CDIN1: variants seen among roughly 807,000 people sequenced by gnomAD.
CDIN1 encodes CDAN1 interacting nuclease 1, also known as CDAN1-interacting nuclease 1.
A neutral mutation model predicts 45.3 loss-of-function variants in CDIN1; 33 were observed. That is an observed-to-expected ratio of 0.73 (90% CI 0.55 to 0.97). CDIN1 has a LOEUF of 0.97. Ranked by LOEUF, CDIN1 falls within the 50% of genes least tolerant of loss-of-function variation. The probability of loss-of-function intolerance (pLI) is 0.00; values close to 1 mark genes in which losing one functional copy is unlikely to be tolerated. For missense variants in CDIN1, 303 were observed against 339.4 expected, an observed-to-expected ratio of 0.89 and a Z score of 0.84; for synonymous variants, 118 against 124.4, an observed-to-expected ratio of 0.95 and a Z score of 0.34.
intron 3 of CDIN1, among the ~76,000 whole-genome samples, chr15:36,646,169 T>G (rs1221126796): frequency 6.6e-6 from 1 of 152,228 alleles, no homozygotes; most frequent in Non-Finnish European, 1.5e-5. Context: ...GTGGTGAGAA[T>G]GACACCACTG....
chr15:36,709,700 A>C (rs2042987526), intron 9 of CDIN1, 156 bp from the exon 10 acceptor site: 4 of 574,506 alleles, frequency 7.0e-6, no homozygotes, highest in Admixed American at 3.1e-5. Flanking sequence ...TTTGTAATGA[A>C]CATATACAGT....
chr15:36,774,163 T>TGTGTGTGTGTGCGCGCGC lies in CDIN1; in HGVS notation c.717-34160_717-34159insTGTGTGTGTGCGCGCGCG, dbSNP rs149222188. Among the ~76,000 whole-genome samples the TGTGTGTGTGTGCGCGCGC allele has an allele frequency of 1.8e-3, 259 of 143,140 alleles. 2 individuals carry two copies. The highest frequency in any genetic ancestry group is 6.0e-3 in the African/African-American group (228 of 37,728). 93.9% of individuals were successfully genotyped at this position (143,140 alleles called of 152,430 possible). ...GTGTGTGTGTGTGTGTGTGTGTGTG[T>TGTGTGTGTGTGCGCGCGC]GCGCGCGCGCGCATGCATGAGGGGA... On this transcript the variant is annotated intron_variant, in intron 10 of 10. Transcript: ENST00000566621.
intron 1 of CDIN1, among the ~76,000 whole-genome samples, chr15:36,608,660 G>T (rs1357674204): frequency 1.3e-5 from 2 of 151,394 alleles, no homozygotes; most frequent in Non-Finnish European, 2.9e-5. Flanking sequence ...CTTTTTTAAG[G>T]ATCTTACTTC....
At chr15:36,634,353 G>C (rs953225071) in intron 1 of CDIN1, among the ~76,000 whole-genome samples, 1 of 152,068 alleles carries the variant, frequency 6.6e-6, no homozygotes, top group Admixed American at 6.5e-5. Context: ...GAACCAGGGA[G>C]TCAGAGGTTG....
intron 10 of CDIN1, among the ~76,000 whole-genome samples, chr15:36,737,777 G>A (rs2044085514): frequency 6.6e-6 from 1 of 152,180 alleles, no homozygotes; most frequent in Non-Finnish European, 1.5e-5. Flanking sequence ...GGAAATGCCT[G>A]GAGCTGCTTT....
intron 1 of CDIN1, among the ~76,000 whole-genome samples, chr15:36,601,381 C>G (rs1201358480): frequency 6.6e-6 from 1 of 152,192 alleles, no homozygotes; most frequent in Non-Finnish European, 1.5e-5. Context: ...TTACATGATT[C>G]AGATGGAGAC....
intron 10 of CDIN1, among the ~76,000 whole-genome samples, chr15:36,715,283 T>C (rs114517472): frequency 6.6e-6 from 1 of 152,152 alleles, no homozygotes; most frequent in Non-Finnish European, 1.5e-5. Flanking sequence ...CAGAATTGAT[T>C]TGACTTTAGT....
At chr15:36,579,991 C>A in intron 1 of CDIN1, 30 bp downstream of exon 1, 1 of 1,591,096 alleles carries the variant, frequency 6.3e-7, no homozygotes, top group Non-Finnish European at 8.6e-7. Context: ...CTCTCACAGC[C>A]CTTTGCCTGC....
chr15:36,714,387 C>T (rs1429266598), intron 10 of CDIN1, among the ~76,000 whole-genome samples: 4 of 152,038 alleles, frequency 2.6e-5, no homozygotes, highest in Non-Finnish European at 2.9e-5. Context: ...CATAGAATAC[C>T]GTGAAAATTC....
intron 1 of CDIN1, among the ~76,000 whole-genome samples, chr15:36,620,077 T>C (rs1269236182): frequency 2.6e-5 from 4 of 151,992 alleles, no homozygotes; most frequent in South Asian, 2.1e-4. Context: ...TTCGGCCGGG[T>C]GCGGTGGCTC....
chr15:36,711,743 A>G (rs1247828774), intron 10 of CDIN1, among the ~76,000 whole-genome samples: 1 of 152,170 alleles, frequency 6.6e-6, no homozygotes. Context: ...GGTCCAGATC[A>G]TTTAAGGAGT....
chr15:36,613,633 T>G (rs12911214), intron 1 of CDIN1: 1 of 1,427,662 alleles, frequency 7.0e-7, no homozygotes, highest in Non-Finnish European at 9.8e-7. Flanking sequence ...CCTTGAACCG[T>G]AGGATCAAGC....
At chr15:36,625,098 A>G (rs1443762805) in intron 1 of CDIN1, among the ~76,000 whole-genome samples, 2 of 152,032 alleles carry the variant, frequency 1.3e-5, no homozygotes, top group East Asian at 3.9e-4. Flanking sequence ...TAACACAGTG[A>G]AACCCCGTCT....
At chr15:36,592,149 A>G (rs1217518893) in intron 1 of CDIN1, among the ~76,000 whole-genome samples, 1 of 152,164 alleles carries the variant, frequency 6.6e-6, no homozygotes, top group Non-Finnish European at 1.5e-5. Context: ...TTTTTAAAGC[A>G]CTGTGTGGGC....
intron 10 of CDIN1, among the ~76,000 whole-genome samples, chr15:36,734,815 G>A (rs2043957320): frequency 6.6e-6 from 1 of 152,088 alleles, no homozygotes; most frequent in Non-Finnish European, 1.5e-5. Context: ...ACTAGTCAAT[G>A]ATCAATGTAT....
intron 7 of CDIN1, chr15:36,696,412 A>G (rs1280929129): frequency 6.6e-6 from 1 of 152,216 alleles, no homozygotes; most frequent in African/African-American, 2.4e-5. Flanking sequence ...AAGTGAAACA[A>G]AGAAGTTTCT....
chr15:36,596,883 G>C (rs559893525), intron 1 of CDIN1, among the ~76,000 whole-genome samples: 3 of 152,196 alleles, frequency 2.0e-5, no homozygotes, highest in African/African-American at 7.2e-5. Flanking sequence ...TCTGATTCCT[G>C]CATGTGTCAA....
At chr15:36,791,428 CTTATAG>C (rs2054642936) in intron 10 of CDIN1, among the ~76,000 whole-genome samples, 1 of 152,102 alleles carries the variant, frequency 6.6e-6, no homozygotes, top group Non-Finnish European at 1.5e-5. Flanking sequence ...CGTCTTTAAA[CTTATAG>C]TTTGGCAACA....
At chr15:36,754,002 G>A (rs886657503) in intron 10 of CDIN1, among the ~76,000 whole-genome samples, 1 of 152,166 alleles carries the variant, frequency 6.6e-6, no homozygotes, top group African/African-American at 2.4e-5. Context: ...TTACACTCAA[G>A]TTTGGGTTCA....
Sources: allele counts gnomAD v4.1 joint callset (sites outside exome capture counted in the v4.1 genomes callset), GRCh38; gene constraint gnomAD v4.1.1; transcripts MANE v1.5; gene names NCBI Gene and HGNC (gene_info 2026-07-23, HGNC 2026-07-21).